The following MAPKAP1 variants were observed in gnomAD, a reference collection of about 807,000 sequenced individuals.
MAPKAP1 encodes the protein target of rapamycin complex 2 subunit MAPKAP1.
MAPKAP1 carries 20 observed loss-of-function variants against 65.7 expected under a neutral mutation model. The ratio of observed to expected loss-of-function variants is 0.30; its 90% confidence interval spans 0.21 to 0.44. The LOEUF (loss-of-function observed/expected upper bound fraction) is 0.44. MAPKAP1 is among the 20% of genes least tolerant of loss of function. The probability of loss-of-function intolerance (pLI) is 1.00; values close to 1 mark genes in which losing one functional copy is unlikely to be tolerated. For synonymous variants in MAPKAP1, 222 were observed against 244.3 expected, an observed-to-expected ratio of 0.91 and a Z score of 0.85; for missense variants, 423 against 648.0, an observed-to-expected ratio of 0.65 and a Z score of 3.77.
At chr9:125,550,945 A>G (rs113102883) in intron 6 of MAPKAP1, among the ~76,000 whole-genome samples, 4,807 of 152,268 alleles carry the variant, frequency 0.032, 127 homozygotes, top group African/African-American at 0.07. Flanking sequence ...TCCTTATTCT[A>G]TTTTAGCTCT....
chr9:125,498,606 C>A (rs1388052544), intron 8 of MAPKAP1, among the ~76,000 whole-genome samples: 5 of 152,152 alleles, frequency 3.3e-5, no homozygotes, highest in Admixed American at 1.3e-4. Flanking sequence ...AAAAAACATT[C>A]ATTGACGTGG....
chr9:125,438,731 C>G lies in MAPKAP1; in HGVS notation c.*156G>C, dbSNP rs1466066843. The G allele has an allele frequency of 1.0e-5, 10 of 965,296 alleles. No homozygotes were observed. Among genetic ancestry groups the G allele is most frequent in the Admixed American group, 2.4e-5 (1 of 40,836 alleles). The allele number at this position is 965,296 out of a possible 1,614,324, so 59.8% of individuals were successfully genotyped here. ...GTCCCCAGCGCTCCCTCCTAGGGGG[C>G]CCCCGACACCTTCCCCGAGAGCCCA... is the stretch of plus-strand genomic sequence containing the variant. On this transcript the variant is annotated 3_prime_UTR_variant, in exon 12 of 12. Coordinates refer to ENST00000265960, the MANE Select transcript of MAPKAP1 (RefSeq NM_001006617.3).
intron 7 of MAPKAP1, among the ~76,000 whole-genome samples, chr9:125,523,299 T>C (rs956910611): frequency 2.0e-5 from 3 of 152,212 alleles, no homozygotes; most frequent in Admixed American, 6.5e-5. Context: ...TGGATTTCCT[T>C]GTGCATAAAT....
intron 8 of MAPKAP1, among the ~76,000 whole-genome samples, chr9:125,486,514 G>A (rs972466692): frequency 1.3e-5 from 2 of 152,218 alleles, no homozygotes; most frequent in African/African-American, 4.8e-5. Flanking sequence ...TAACAAACTG[G>A]TAGCCTGACA....
At chr9:125,483,195 G>C (rs184789179) in intron 9 of MAPKAP1, among the ~76,000 whole-genome samples, 13 of 152,220 alleles carry the variant, frequency 8.5e-5, no homozygotes, top group African/African-American at 2.6e-4. Flanking sequence ...TGCGTCATTG[G>C]TACTACTGAT....
chr9:125,476,977 C>A (rs780970464), intron 9 of MAPKAP1, among the ~76,000 whole-genome samples: 6 of 152,136 alleles, frequency 3.9e-5, no homozygotes, highest in Non-Finnish European at 7.4e-5. Context: ...GCTGATGAGA[C>A]GAAACCTTTT....
chr9:125,706,998 G>C lies in MAPKAP1; in HGVS notation c.-97C>G, dbSNP rs372269177. The C allele has an allele frequency of 2.5e-6, 1 of 396,576 alleles. No individual in the cohort carries two copies. The highest frequency in any genetic ancestry group is 3.6e-5 in the East Asian group (1 of 28,002). The allele number at this position is 396,576 out of a possible 1,614,324, so 24.6% of individuals were successfully genotyped here. A position where few individuals can be genotyped will look rare whatever the true frequency, so the allele number is the denominator to read the frequency against. ...GAAGCTGCTTCCACACTACGGGCCG[G>C]GTCGGCCCCGGGACACGTTCCTGAG... On this transcript the variant is annotated 5_prime_UTR_variant, in exon 1 of 12. Transcript: ENST00000265960.
Position 125,439,448 on chromosome 9 carries a change from C to A in MAPKAP1, c.1444-436G>T, listed in dbSNP as rs1231540575. Reference sequence around the variant, plus strand: ...GGGATGAAAAGCAAACCAAGACAGGCTCTCCATCCAGCCTCCCACCAGCCA... The same window carrying A: ...GGGATGAAAAGCAAACCAAGACAGGATCTCCATCCAGCCTCCCACCAGCCA... On this transcript the variant is annotated intron_variant, in intron 11 of 11. Coordinates refer to ENST00000265960, the MANE Select transcript of MAPKAP1 (RefSeq NM_001006617.3). This position sits in a 1 kb window ranked among gnomAD's most constrained non-coding sequence, Gnocchi z 4.0. Among the ~76,000 whole-genome samples the A allele has an allele frequency of 6.6e-6, 1 of 152,246 alleles. No individual in the cohort carries two copies. The highest frequency in any genetic ancestry group is 1.5e-5 in the Non-Finnish European group (1 of 68,044).
intron 9 of MAPKAP1, among the ~76,000 whole-genome samples, chr9:125,475,623 A>G (rs1854076558): frequency 6.6e-6 from 1 of 152,232 alleles, no homozygotes; most frequent in South Asian, 2.1e-4. Flanking sequence ...AGGACACAGC[A>G]CCAGGGCAGA....
At chr9:125,684,156 T>C (rs914337785) in intron 1 of MAPKAP1, among the ~76,000 whole-genome samples, 67 of 152,356 alleles carry the variant, frequency 4.4e-4, no homozygotes, top group African/African-American at 1.5e-3. Flanking sequence ...TTCATAAATA[T>C]GGTTACTTCA....
intron 4 of MAPKAP1, among the ~76,000 whole-genome samples, chr9:125,616,547 G>A (rs1246231159): frequency 1.3e-5 from 2 of 152,070 alleles, no homozygotes; most frequent in Non-Finnish European, 2.9e-5. Context: ...ATTAGAACAA[G>A]TAGTTCACAC....
chr9:125,584,731 G>A (rs1160701054), intron 5 of MAPKAP1, among the ~76,000 whole-genome samples: 1 of 152,106 alleles, frequency 6.6e-6, no homozygotes. Flanking sequence ...CCAGCTGAGA[G>A]TCCATTTTTA....
At chr9:125,644,572 T>G (rs968135402) in intron 4 of MAPKAP1, among the ~76,000 whole-genome samples, 1 of 152,250 alleles carries the variant, frequency 6.6e-6, no homozygotes, top group Non-Finnish European at 1.5e-5. Flanking sequence ...TTCTGCTTTA[T>G]TAAAGCTCAT....
chr9:125,508,786 G>A (rs1422060275), intron 7 of MAPKAP1, among the ~76,000 whole-genome samples: 1 of 152,036 alleles, frequency 6.6e-6, no homozygotes, highest in Non-Finnish European at 1.5e-5. Flanking sequence ...AGGGGTTTGA[G>A]GCTGCAATGA....
chr9:125,672,513 C>T lies in MAPKAP1; in HGVS notation c.62G>A (p.Ser21Asn). 2 of 1,614,208 alleles carry T rather than the reference C, an allele frequency of 1.2e-6. No homozygotes were observed. Among genetic ancestry groups the T allele is most frequent in the Non-Finnish European group, 1.7e-6 (2 of 1,180,024 alleles). Residue 21 changes from serine (S) to asparagine (N), a missense_variant, in exon 2 of 12, where the codon AGT (serine) becomes AAT (asparagine). Physicochemically the swap from Ser to Asn is conservative, Grantham distance 46. Transcript: ENST00000265960. ...CATCTCACACATTCCCGTGTCATCA[C>T]TGGTCACATGTGACTGTCGAATATG... ...LAHIRQSHVTSDDTGMCEMVL... is the reference protein window; with the variant it reads ...LAHIRQSHVTNDDTGMCEMVL...
At chr9:125,573,863 T>C (rs2131546064) in intron 5 of MAPKAP1, among the ~76,000 whole-genome samples, 1 of 152,322 alleles carries the variant, frequency 6.6e-6, no homozygotes. Flanking sequence ...ATAAACAGTG[T>C]TCCTTTCCTT....
chr9:125,460,636 G>C (rs1017983258), intron 10 of MAPKAP1, among the ~76,000 whole-genome samples: 1 of 152,124 alleles, frequency 6.6e-6, no homozygotes, highest in African/African-American at 2.4e-5. Context: ...GATCCTTCTA[G>C]GGCCCACTGT....
chr9:125,487,134 CAG>C (rs1296855595), intron 8 of MAPKAP1, among the ~76,000 whole-genome samples: 1 of 152,186 alleles, frequency 6.6e-6, no homozygotes, highest in Non-Finnish European at 1.5e-5. Flanking sequence ...GTCAAAGAGA[CAG>C]AGTGACTTAA....
At chr9:125,561,966 A>C (rs1468481649) in intron 5 of MAPKAP1, among the ~76,000 whole-genome samples, 1 of 152,206 alleles carries the variant, frequency 6.6e-6, no homozygotes, top group Non-Finnish European at 1.5e-5. Flanking sequence ...CAACATGTCC[A>C]CTGTGTTCCA....
Sources: allele counts gnomAD v4.1 joint callset (sites outside exome capture counted in the v4.1 genomes callset), GRCh38; gene constraint gnomAD v4.1.1; non-coding constraint Gnocchi (gnomAD v3.1); transcripts MANE v1.5; gene names NCBI Gene and HGNC (gene_info 2026-07-23, HGNC 2026-07-21).